PSD3: variants seen among roughly 807,000 people sequenced by gnomAD.
The protein encoded by PSD3 is PH and SEC7 domain-containing protein 3.
Under a neutral mutation model 105.5 loss-of-function variants are expected in PSD3, and 49 were observed. The ratio of observed to expected loss-of-function variants is 0.46; its 90% CI spans 0.37 to 0.59. PSD3 has a LOEUF of 0.59. Ranked by LOEUF, PSD3 falls within the 20% of genes least tolerant of loss-of-function variation. The pLI, the probability that PSD3 is intolerant of heterozygous loss-of-function variation, is 0.00. For synonymous variants in PSD3, 557 were observed against 457.8 expected (o/e 1.22, Z -2.77); for missense variants, 1,561 against 1,263.8 (o/e 1.24, Z -3.57).
chr8:18,874,565 G>T (rs952505367), intron 2 of PSD3, among the ~76,000 whole-genome samples: 2 of 151,620 alleles, frequency 1.3e-5, no homozygotes, highest in African/African-American at 4.8e-5. Context: ...TGGCTGAAAA[G>T]ACTTGATTCT....
At chr8:18,687,002 C>A (rs1022456592) in intron 9 of PSD3, among the ~76,000 whole-genome samples, 1 of 152,196 alleles carries the variant, frequency 6.6e-6, no homozygotes, top group African/African-American at 2.4e-5. Context: ...ACCCCTACTT[C>A]TGTGACTTCA....
chr8:19,037,776 C>T (rs1395517), intron 1 of PSD3, among the ~76,000 whole-genome samples: 107,517 of 151,856 alleles, frequency 0.71, 38,753 homozygotes, highest in African/African-American at 0.85. Flanking sequence ...CTCAGACCTT[C>T]GGACTTGGAC....
chr8:18,856,538 A>C (rs1421671118), intron 4 of PSD3, among the ~76,000 whole-genome samples: 2 of 152,198 alleles, frequency 1.3e-5, no homozygotes, highest in African/African-American at 2.4e-5. Context: ...ACTACGAATA[A>C]TGAAATTTTA....
intron 4 of PSD3, among the ~76,000 whole-genome samples, chr8:18,857,125 T>C (rs915109179): frequency 6.6e-6 from 1 of 152,160 alleles, no homozygotes; most frequent in Non-Finnish European, 1.5e-5. Flanking sequence ...CCAGGAGCAC[T>C]CACTTTCCCA....
chr8:18,782,468 G>C (rs551778320), intron 8 of PSD3, among the ~76,000 whole-genome samples: 1 of 152,324 alleles, frequency 6.6e-6, no homozygotes, highest in East Asian at 1.9e-4. Context: ...GAGTTCCTCA[G>C]TGGATAAAGC....
At chr8:18,857,064 C>G (rs971811464) in intron 4 of PSD3, among the ~76,000 whole-genome samples, 1 of 152,234 alleles carries the variant, frequency 6.6e-6, no homozygotes, top group Admixed American at 6.5e-5. Context: ...GAGGGACTCC[C>G]TATCACCACC....
rs776521901 is a variant in PSD3 at position 18,632,739 on chromosome 8, T to C, written c.2284A>G (p.Lys762Glu). The stretch of plus-strand genomic sequence containing the variant: ...GTACTTCCAATACGACTGATGGTCT[T>C]TGGATGTGTTCCGTTAGCTTTCTCC... ...TEEKANGTHP[K>E]TISRIGSTTN... The change falls in exon 11 of 16, where the codon AAG becomes GAG. Residue 762 changes from lysine to glutamate, a missense_variant. Transcript: ENST00000327040. 4 of 1,607,690 alleles carry C rather than the reference T, an allele frequency of 2.5e-6. No homozygotes were observed. Among genetic ancestry groups the C allele is most frequent in the Non-Finnish European group, 2.6e-6 (3 of 1,174,686 alleles).
chr8:18,629,582 C>T (rs1806746629), intron 11 of PSD3, among the ~76,000 whole-genome samples: 1 of 151,850 alleles, frequency 6.6e-6, no homozygotes, highest in Admixed American at 6.6e-5. Flanking sequence ...CAAAGAATAA[C>T]ACTAAGTGAA....
chr8:18,954,390 A>G (rs1254964446), intron 1 of PSD3, among the ~76,000 whole-genome samples: 1 of 152,152 alleles, frequency 6.6e-6, no homozygotes, highest in African/African-American at 2.4e-5. Flanking sequence ...TAAGAAAAAA[A>G]AAGAGTAGTA....
At chr8:18,565,767 C>T (rs2130257610) in intron 14 of PSD3, among the ~76,000 whole-genome samples, 1 of 152,252 alleles carries the variant, frequency 6.6e-6, no homozygotes, top group Non-Finnish European at 1.5e-5. Flanking sequence ...CTCACGGCTT[C>T]ACATCCACTG....
chr8:18,857,906 T>C (rs1343253224), intron 4 of PSD3, among the ~76,000 whole-genome samples: 1 of 152,124 alleles, frequency 6.6e-6, no homozygotes, highest in Non-Finnish European at 1.5e-5. Context: ...AAATAGAGCG[T>C]CAGGCACAGG....
intron 4 of PSD3, among the ~76,000 whole-genome samples, chr8:18,828,575 C>G (rs1028735334): frequency 3.3e-5 from 5 of 152,046 alleles, no homozygotes; most frequent in Non-Finnish European, 7.4e-5. Flanking sequence ...CCAAGGCAGG[C>G]AGACTGCTCG....
chr8:19,013,001 TTAA>T (rs543185593), intron 1 of PSD3, among the ~76,000 whole-genome samples: 2 of 152,072 alleles, frequency 1.3e-5, no homozygotes, highest in South Asian at 4.2e-4. Flanking sequence ...CTAATCGGTG[TTAA>T]TGTGTTTAAA....
chr8:18,617,615 T>G (rs192759686), intron 11 of PSD3, among the ~76,000 whole-genome samples: 4 of 152,326 alleles, frequency 2.6e-5, no homozygotes, highest in Admixed American at 2.0e-4. Flanking sequence ...ACTGCCTGAA[T>G]GAACCCTACT....
intron 9 of PSD3, among the ~76,000 whole-genome samples, chr8:18,746,794 T>C (rs1441014680): frequency 1.3e-5 from 2 of 152,268 alleles, no homozygotes; most frequent in East Asian, 1.9e-4. Flanking sequence ...CATTTGTTAC[T>C]GTTTATACTT....
Position 18,700,574 on chromosome 8 carries a change from A to C in PSD3, c.2173-44889T>G, listed in dbSNP as rs185618468. ...TCCGGAGCTAAGAATAAGCATAAGC[A>C]CAACATGGTCTCTTAGCAGACATAC... On this transcript the variant is annotated intron_variant, in intron 9 of 15. Coordinates refer to ENST00000327040, the MANE Select transcript of PSD3 (RefSeq NM_015310.4). Among the ~76,000 whole-genome samples the C allele has an allele frequency of 3.3e-3, 505 of 152,352 alleles. 2 individuals carry two copies. The highest frequency in any genetic ancestry group is 5.6e-3 in the Admixed American group (86 of 15,308).
In PSD3 at chr8:18,899,391, T is replaced by A. The variant is rs1359699531; in HGVS notation, c.131-26658A>T. Among the ~76,000 whole-genome samples, 8 of 152,312 alleles carry A rather than the reference T, an allele frequency of 5.3e-5. No individual in the cohort carries two copies. In the East Asian group the frequency reaches 1.5e-3, roughly 29 times the overall value. ...GATAAAGTTTTCTCCAGCAAGAACT[T>A]ATTGTTTCAGATTTCAAGGCTTTCA... On this transcript the variant is annotated intron_variant, in intron 2 of 15. Coordinates refer to ENST00000327040, the MANE Select transcript of PSD3 (RefSeq NM_015310.4).
chr8:18,913,857 C>A (rs1029433059), intron 2 of PSD3, among the ~76,000 whole-genome samples: 1 of 152,112 alleles, frequency 6.6e-6, no homozygotes, highest in Non-Finnish European at 1.5e-5. Flanking sequence ...CCAGCCACTG[C>A]GAACTCAGGC....
intron 4 of PSD3, among the ~76,000 whole-genome samples, chr8:18,812,694 T>A (rs912309733): frequency 6.6e-6 from 1 of 152,182 alleles, no homozygotes; most frequent in African/African-American, 2.4e-5. Context: ...AGAAGTTCCA[T>A]TTTTGATGTG....
Sources: allele counts gnomAD v4.1 joint callset (sites outside exome capture counted in the v4.1 genomes callset), GRCh38; gene constraint gnomAD v4.1.1; transcripts MANE v1.5; gene names NCBI Gene and HGNC (gene_info 2026-07-23, HGNC 2026-07-21).